Variants in ZNF730 observed in about 807,000 individuals in gnomAD.
ZNF730 encodes the protein putative zinc finger protein 730.
Under a neutral mutation model 12.6 loss-of-function variants are expected in ZNF730, and 12 were observed. The observed-to-expected ratio is 0.95, with a 90% CI of 0.61 to 1.54. The LOEUF is 1.54. ZNF730 is among the 40% of genes most tolerant of loss of function. The pLI is 0.00. For missense variants in ZNF730, 643 were observed against 583.5 expected (o/e 1.10, Z -1.05); for synonymous variants, 194 against 195.8 (o/e 0.99, Z 0.08).
rs138671191 is a variant in ZNF730, at chr19:23,077,267, C to T, written c.-94+1880C>T. On this transcript the variant is annotated intron_variant, in intron 1 of 2. Coordinates refer to the ZNF730 transcript ENST00000593635. ...TGATGAAATAATCTTCACAACAAAC[C>T]CCCATAACACACCTATGTAAAAAAT... Among the ~76,000 whole-genome samples, 356 of 151,936 alleles carry T rather than the reference C, an allele frequency of 2.3e-3. 2 individuals are homozygous for T. Among genetic ancestry groups the T allele is most frequent in the Middle Eastern group, 6.8e-3 (2 of 294 alleles).
chr19:23,084,357 A>G (rs990625935), intron 1 of ZNF730, among the ~76,000 whole-genome samples: 6 of 152,214 alleles, frequency 3.9e-5, no homozygotes, highest in Non-Finnish European at 8.8e-5. Context: ...TGATGCCTTC[A>G]GCTTTGCGCT....
exon 1 of ZNF730, chr19:23,075,228 C>A (rs982196271): frequency 6.6e-6 from 1 of 152,246 alleles, no homozygotes; most frequent in Non-Finnish European, 1.5e-5. Context: ...TCTCTCGCTC[C>A]CGCCAGAGCT....
intron 1 of ZNF730, among the ~76,000 whole-genome samples, chr19:23,133,590 C>T (rs1970775269): frequency 6.6e-6 from 1 of 152,196 alleles, no homozygotes; most frequent in Non-Finnish European, 1.5e-5. Flanking sequence ...GATCCGCCTG[C>T]CTCGGCCTCC....
chr19:23,097,700 ACT>A (rs947146934), intron 1 of ZNF730, among the ~76,000 whole-genome samples: 14 of 151,684 alleles, frequency 9.2e-5, no homozygotes, highest in East Asian at 7.8e-4. Context: ...AGATTATGTG[ACT>A]CTCTTCTTTT....
chr19:23,122,789 C>G (rs146998101), intron 1 of ZNF730, among the ~76,000 whole-genome samples: 19 of 152,100 alleles, frequency 1.2e-4, no homozygotes, highest in African/African-American at 4.6e-4. Flanking sequence ...TGAATAAATC[C>G]CTTTAGTCAT....
At chr19:23,117,881 A>G (rs1054136381) in intron 1 of ZNF730, among the ~76,000 whole-genome samples, 2 of 152,088 alleles carry the variant, frequency 1.3e-5, no homozygotes, top group Admixed American at 6.5e-5. Context: ...CATTTGAGTT[A>G]CATTTTTTTT....
At chr19:23,115,775 G>A (rs1191967092), upstream of ZNF730, among the ~76,000 whole-genome samples, 1 of 152,192 alleles carries the variant, frequency 6.6e-6, no homozygotes, top group Middle Eastern at 3.2e-3. Flanking sequence ...GCTCAGCTGG[G>A]ACCAGAAGAA....
chr19:23,085,853 T>TTTC (rs1970054722), intron 1 of ZNF730, among the ~76,000 whole-genome samples: 6 of 112,552 alleles, frequency 5.3e-5, no homozygotes, highest in Non-Finnish European at 9.0e-5. Context: ...TTTTTTTTTT[T>TTTC]TTTTTTTTTT....
intron 1 of ZNF730, among the ~76,000 whole-genome samples, chr19:23,098,819 C>T (rs766813168): frequency 2.6e-5 from 4 of 152,132 alleles, no homozygotes; most frequent in Middle Eastern, 3.4e-3. Context: ...AGGTTGGTAA[C>T]GTATAGCTTA....
At chr19:23,142,544 CG>C (rs1970936947) in intron 3 of ZNF730, among the ~76,000 whole-genome samples, 1 of 151,602 alleles carries the variant, frequency 6.6e-6, no homozygotes, top group African/African-American at 2.4e-5. Context: ...AAAAATTAGC[CG>C]GGTATGGTGG....
At chr19:23,144,096 T>C (rs1429830880) in intron 3 of ZNF730, 3 of 152,164 alleles carry the variant, frequency 2.0e-5, no homozygotes, top group Non-Finnish European at 4.4e-5. Context: ...GTTTCACTCA[T>C]TGAATATTCA....
intron 1 of ZNF730, among the ~76,000 whole-genome samples, chr19:23,118,372 T>TG (rs1568310939): frequency 3.3e-5 from 5 of 151,266 alleles, no homozygotes; most frequent in Admixed American, 2.6e-4. Flanking sequence ...TTTTGTTTTT[T>TG]TTTTTTGTTT....
At chr19:23,084,651 C>T (rs567611316) in intron 1 of ZNF730, among the ~76,000 whole-genome samples, 1 of 152,248 alleles carries the variant, frequency 6.6e-6, no homozygotes, top group African/African-American at 2.4e-5. Flanking sequence ...TGTGCTGTTC[C>T]CCTCTGTGTG....
chr19:23,142,602 G>C (rs1970938188), intron 3 of ZNF730, among the ~76,000 whole-genome samples: 1 of 150,494 alleles, frequency 6.6e-6, no homozygotes, highest in African/African-American at 2.4e-5. Flanking sequence ...GTGGGAGAAT[G>C]GCGTGAACCT....
intron 1 of ZNF730, among the ~76,000 whole-genome samples, chr19:23,118,216 TG>T (rs1170827987): frequency 6.6e-6 from 1 of 151,196 alleles, no homozygotes; most frequent in Non-Finnish European, 1.5e-5. Flanking sequence ...TAAAAAGATT[TG>T]TTTTCTGTTT....
intron 1 of ZNF730, among the ~76,000 whole-genome samples, chr19:23,094,421 C>T (rs1308821757): frequency 6.6e-6 from 1 of 150,688 alleles, no homozygotes; most frequent in Non-Finnish European, 1.5e-5. Context: ...TGTGGGCACT[C>T]TATAGATAGG....
At position 23,145,265 on chromosome 19, in the gene ZNF730, T is replaced by C; in HGVS notation, c.227-6T>C. 1 of 1,485,452 alleles carries C rather than the reference T, an allele frequency of 6.7e-7. No individual in the cohort carries two copies. The highest frequency in any genetic ancestry group is 8.9e-7 in the Non-Finnish European group (1 of 1,120,526). The allele number at this position is 1,485,452 out of a possible 1,614,324, so 92.0% of individuals were successfully genotyped here. ...TGCAGTAATTTGTTATTTTTATTTC[T>C]TTCAGTTATATGTTCTCATATTGCC... On this transcript the variant is annotated splice_polypyrimidine_tract_variant and splice_region_variant and intron_variant, in intron 3 of 3. Coordinates refer to ENST00000597761, the MANE Select transcript of ZNF730 (RefSeq NM_001277403.2).
At chr19:23,085,358 GC>G (rs111955622) in intron 1 of ZNF730, among the ~76,000 whole-genome samples, 64,473 of 149,586 alleles carry the variant, frequency 0.43, 15,630 homozygotes, top group African/African-American at 0.68. Flanking sequence ...ATCTTTTTTT[GC>G]TTTTTTTCTT....
At chr19:23,095,695 A>T (rs535438414) in intron 1 of ZNF730, 60 of 367,912 alleles carry the variant, frequency 1.6e-4, no homozygotes, top group Non-Finnish European at 2.5e-4. Flanking sequence ...GATCCTGCCT[A>T]CAAGGTGCAT....
Sources: allele counts gnomAD v4.1 joint callset (sites outside exome capture counted in the v4.1 genomes callset), GRCh38; gene constraint gnomAD v4.1.1; transcripts MANE v1.5; gene names NCBI Gene and HGNC (gene_info 2026-07-23, HGNC 2026-07-21).